Variants in PARN observed in about 807,000 individuals in gnomAD.
PARN encodes poly(A)-specific ribonuclease, also known as poly(A)-specific ribonuclease PARN.
PARN carries 71 observed loss-of-function variants against 102.8 expected under a neutral mutation model. That is an observed-to-expected ratio of 0.69 (90% CI 0.57 to 0.84). The LOEUF (loss-of-function observed/expected upper bound fraction) is 0.84. PARN is among the 40% of genes least tolerant of loss of function. The pLI is 0.00. For missense variants in PARN, 782 were observed against 760.9 expected, an observed-to-expected ratio of 1.03 and a Z score of -0.33; for synonymous variants, 261 against 252.9, an observed-to-expected ratio of 1.03 and a Z score of -0.30.
chr16:14,516,568 T>C (rs546004318), intron 21 of PARN, among the ~76,000 whole-genome samples: 19 of 152,178 alleles, frequency 1.2e-4, no homozygotes, highest in Non-Finnish European at 2.5e-4. Context: ...AAATGGAACA[T>C]ATTTAAGATT....
chr16:14,561,585 G>T (rs1056693432), intron 18 of PARN, among the ~76,000 whole-genome samples: 9 of 152,230 alleles, frequency 5.9e-5, no homozygotes, highest in Non-Finnish European at 1.3e-4. Context: ...GCAGAAGTGG[G>T]AGAATTACTT....
chr16:14,477,453 AC>A (rs1465679221), intron 22 of PARN, among the ~76,000 whole-genome samples: 2 of 149,282 alleles, frequency 1.3e-5, no homozygotes, highest in East Asian at 2.0e-4. Flanking sequence ...AAAAAAAAAA[AC>A]ATAACCCTGA....
At chr16:14,442,012 G>T (rs1239580960) in intron 23 of PARN, among the ~76,000 whole-genome samples, 1 of 152,088 alleles carries the variant, frequency 6.6e-6, no homozygotes, top group Non-Finnish European at 1.5e-5. Flanking sequence ...AATGTTAGGG[G>T]AAAAAAGACT....
In PARN at chr16:14,514,690, G is replaced by A. The variant is rs575477550; in HGVS notation, c.1481-31863C>T. ...TTCTGGCCCAAAAGGTTACCTTATG[G>A]CTATGAACTGGAGTAACTTTTTAGA... On this transcript the variant is annotated intron_variant, in intron 21 of 23. Coordinates refer to ENST00000437198, the MANE Select transcript of PARN (RefSeq NM_002582.4). 7.2e-5 allele frequency among the ~76,000 whole-genome samples: 11 copies of A among 152,278 alleles called. No individual in the cohort carries two copies. The South Asian group carries it at 2.1e-3, about 29-fold the overall frequency.
At chr16:14,438,314 C>G (rs765564307) in intron 23 of PARN, among the ~76,000 whole-genome samples, 15 of 151,998 alleles carry the variant, frequency 9.9e-5, no homozygotes, top group Admixed American at 5.9e-4. Context: ...GTAAAAGCTA[C>G]AATGCCAAAT....
chr16:14,543,363 T>C (rs148844510), intron 21 of PARN, among the ~76,000 whole-genome samples: 2 of 152,294 alleles, frequency 1.3e-5, no homozygotes, highest in African/African-American at 4.8e-5. Context: ...AAAAGAAACC[T>C]GGATCTTCAG....
chr16:14,436,579 C>G lies in PARN; in HGVS notation c.*138G>C, dbSNP rs1443147280. 6.3e-6 allele frequency: 4 copies of G among 630,478 alleles called. No homozygotes were observed. The highest frequency in any genetic ancestry group is 5.7e-6 in the Non-Finnish European group (2 of 353,236). The allele number at this position is 630,478 out of a possible 1,614,324, so 39.1% of individuals were successfully genotyped here. ...GCCACAAAAATAAAACCTGTTTTCT[C>G]CCCCCCAGGAGACAACTTGGTTTCC... On this transcript the variant is annotated 3_prime_UTR_variant, in exon 24 of 24. Coordinates refer to ENST00000437198, the MANE Select transcript of PARN (RefSeq NM_002582.4).
chr16:14,559,318 T>C (rs1342901422), intron 18 of PARN, among the ~76,000 whole-genome samples: 1 of 152,066 alleles, frequency 6.6e-6, no homozygotes, highest in African/African-American at 2.4e-5. Flanking sequence ...ATATAAGCTA[T>C]GTGTTCTCTA....
intron 13 of PARN, among the ~76,000 whole-genome samples, chr16:14,592,723 G>A (rs1489442507): frequency 1.3e-5 from 2 of 152,170 alleles, no homozygotes; most frequent in African/African-American, 4.8e-5. Context: ...CAAACTAGCA[G>A]CCCACACCTG....
chr16:14,585,233 CT>C (rs1206287959), intron 14 of PARN, among the ~76,000 whole-genome samples: 2 of 152,202 alleles, frequency 1.3e-5, no homozygotes, highest in Non-Finnish European at 2.9e-5. Context: ...ACTATAAATT[CT>C]TCTGCAGGGC....
chr16:14,623,133 C>G (rs1489569696), intron 5 of PARN, among the ~76,000 whole-genome samples: 3 of 151,012 alleles, frequency 2.0e-5, no homozygotes, highest in African/African-American at 7.3e-5. Flanking sequence ...GTATGTGTGT[C>G]TAGGCATATG....
intron 21 of PARN, among the ~76,000 whole-genome samples, chr16:14,548,359 A>T (rs928223531): frequency 6.6e-6 from 1 of 152,198 alleles, no homozygotes; most frequent in Non-Finnish European, 1.5e-5. Flanking sequence ...TCAGTGAAAC[A>T]TCTGCATAAT....
At chr16:14,551,875 T>A (rs1168975919) in intron 21 of PARN, 146 bp downstream of exon 21, 1 of 590,602 alleles carries the variant, frequency 1.7e-6, no homozygotes, top group Non-Finnish European at 3.0e-6. Flanking sequence ...ACTAATTATT[T>A]CATTTATTTC....
chr16:14,585,375 T>G lies in PARN; in HGVS notation c.963-584A>C, dbSNP rs200516238. Among the ~76,000 whole-genome samples, 508 of 151,398 alleles carry G rather than the reference T, an allele frequency of 3.4e-3. 20 individuals carry two copies. In the East Asian group the frequency reaches 0.08, roughly 24 times the overall value. On this transcript the variant is annotated intron_variant, in intron 14 of 23. Coordinates refer to ENST00000437198, the MANE Select transcript of PARN (RefSeq NM_002582.4). The stretch of plus-strand genomic sequence containing the variant: ...AACTCTATTTCTCTGTTTTTTTTTT[T>G]TTTTTTTTTCATATAAATGTGAACA...
chr16:14,518,757 C>A (rs1965591432), intron 21 of PARN, among the ~76,000 whole-genome samples: 2 of 152,126 alleles, frequency 1.3e-5, no homozygotes, highest in South Asian at 2.1e-4. Context: ...ATATAGTACA[C>A]CTTGTCTTTT....
chr16:14,610,567 C>T (rs531549970), intron 7 of PARN, 77 bp downstream of exon 7: 5 of 848,750 alleles, frequency 5.9e-6, no homozygotes, highest in African/African-American at 1.7e-5. Context: ...TTGTAAAGCA[C>T]AGGTTTGAGA....
At chr16:14,548,068 C>A (rs930374093) in intron 21 of PARN, among the ~76,000 whole-genome samples, 2 of 151,914 alleles carry the variant, frequency 1.3e-5, no homozygotes, top group East Asian at 1.9e-4. Context: ...CACGGTGAAA[C>A]CCTGTCCCTA....
At chr16:14,554,022 G>A (rs1245017256) in intron 20 of PARN, 43 bp downstream of exon 20, 18 of 1,307,506 alleles carry the variant, frequency 1.4e-5, no homozygotes, top group Non-Finnish European at 1.5e-5. Context: ...TATACCAAAT[G>A]AATAGCAAAA....
At chr16:14,497,034 G>A (rs1964350648) in intron 21 of PARN, among the ~76,000 whole-genome samples, 1 of 152,122 alleles carries the variant, frequency 6.6e-6, no homozygotes. Context: ...TCCCCTGCCT[G>A]AGGGATTCCC....
Sources: gnomAD v4.1 joint callset for allele counts (sites outside exome capture counted in the v4.1 genomes callset) on GRCh38, gnomAD v4.1.1 for gene constraint, MANE v1.5 for transcripts, NCBI Gene and HGNC (gene_info 2026-07-23, HGNC 2026-07-21) for gene names.